Variants in MANBA observed in about 807,000 individuals in gnomAD.
MANBA encodes the protein mannosidase beta, also known as beta-mannosidase.
Under a neutral mutation model 111.1 loss-of-function variants are expected in MANBA, and 83 were observed. The ratio of observed to expected loss-of-function variants is 0.75; its 90% CI spans 0.63 to 0.90. MANBA has a LOEUF of 0.90. Ranked by LOEUF, MANBA falls within the 40% of genes least tolerant of loss-of-function variation. MANBA has a pLI of 0.00. For synonymous variants in MANBA, 370 were observed against 378.7 expected (o/e 0.98, Z 0.27); for missense variants, 1,036 against 1,069.0 (o/e 0.97, Z 0.43).
At chr4:102,730,182 G>A (rs1722979868) in intron 1 of MANBA, 2 of 848,220 alleles carry the variant, frequency 2.4e-6, no homozygotes, top group South Asian at 1.9e-5. Flanking sequence ...GGTGGAGGCA[G>A]GAGTGGGGGC....
At position 102,698,089 on chromosome 4, in the gene MANBA, T is replaced by G. The variant is rs563605936; in HGVS notation, c.674-7318A>C. On this transcript the variant is annotated intron_variant, in intron 5 of 16. Coordinates refer to ENST00000647097, the MANE Select transcript of MANBA (RefSeq NM_005908.4). ...ATGGTATCTCATTGTGGTTTTGATT[T>G]GCATTTCTCTGATGGCCAGTGATGA... Among the ~76,000 whole-genome samples the G allele has an allele frequency of 1.9e-3, 287 of 152,106 alleles. 1 individual carries two copies. Among genetic ancestry groups the G allele is most frequent in the Non-Finnish European group, 3.1e-3 (214 of 68,010 alleles).
At chr4:102,698,245 T>C (rs1167501411) in intron 5 of MANBA, among the ~76,000 whole-genome samples, 1 of 152,140 alleles carries the variant, frequency 6.6e-6, no homozygotes, top group African/African-American at 2.4e-5. Flanking sequence ...CATTGTAGAT[T>C]CTGGATATTA....
intron 13 of MANBA, among the ~76,000 whole-genome samples, chr4:102,643,183 C>T (rs115483961): frequency 0.014 from 2,059 of 152,230 alleles, 63 homozygotes; most frequent in African/African-American, 0.047. Flanking sequence ...TTGCCTATTC[C>T]GGACATTTCA....
At chr4:102,677,584 A>G (rs368772501) in intron 7 of MANBA, among the ~76,000 whole-genome samples, 74 of 152,314 alleles carry the variant, frequency 4.9e-4, no homozygotes, top group East Asian at 2.9e-3. Context: ...TTAAGAAACT[A>G]TCATTTGTTA....
chr4:102,640,845 C>G (rs1010654466), intron 13 of MANBA, among the ~76,000 whole-genome samples: 5 of 152,154 alleles, frequency 3.3e-5, no homozygotes, highest in African/African-American at 4.8e-5. Context: ...GAGGTTATGA[C>G]TTACATGAGT....
In MANBA at chr4:102,650,534, T is replaced by C. The variant is rs538787092; in HGVS notation, c.1869+3A>G. Reference sequence around the variant, plus strand: ...GTTCAATTCTAGAATGAAAACAACTTACCTGAGTAAGGTAGATGGTATCTT... The same window carrying C: ...GTTCAATTCTAGAATGAAAACAACTCACCTGAGTAAGGTAGATGGTATCTT... On this transcript the variant is annotated splice_donor_region_variant and intron_variant, in intron 13 of 16. Coordinates refer to ENST00000647097, the MANE Select transcript of MANBA (RefSeq NM_005908.4). The C allele has an allele frequency of 6.2e-7, 1 of 1,610,192 alleles. No homozygotes were observed. Among genetic ancestry groups the C allele is most frequent in the Non-Finnish European group, 8.5e-7 (1 of 1,176,468 alleles).
intron 5 of MANBA, among the ~76,000 whole-genome samples, chr4:102,709,204 C>T (rs571621422): frequency 3.1e-5 from 4 of 127,384 alleles, no homozygotes; most frequent in Non-Finnish European, 4.8e-5. Context: ...AAGGAAAAGG[C>T]AAGGCAAGGC....
At chr4:102,725,077 A>T (rs1722741812) in intron 2 of MANBA, among the ~76,000 whole-genome samples, 2 of 152,118 alleles carry the variant, frequency 1.3e-5, no homozygotes, top group Admixed American at 1.3e-4. Context: ...CTGGGGTAAG[A>T]ATTCAGGGGC....
intron 13 of MANBA, among the ~76,000 whole-genome samples, chr4:102,645,695 A>C (rs1312782256): frequency 6.6e-6 from 1 of 151,936 alleles, no homozygotes; most frequent in African/African-American, 2.4e-5. Flanking sequence ...TTATCACCTT[A>C]TTTATTTTGG....
intron 10 of MANBA, chr4:102,665,844 T>C (rs1323666366): frequency 1.3e-5 from 2 of 152,260 alleles, no homozygotes; most frequent in Non-Finnish European, 2.9e-5. Context: ...ATGATTACAC[T>C]GATTGCCCCC....
At chr4:102,745,695 T>C (rs1723561257) in intron 1 of MANBA, among the ~76,000 whole-genome samples, 1 of 152,212 alleles carries the variant, frequency 6.6e-6, no homozygotes, top group Non-Finnish European at 1.5e-5. Context: ...TTTAACTCCC[T>C]GAGCTGCAAC....
At chr4:102,682,051 G>A (rs1024772911) in intron 7 of MANBA, among the ~76,000 whole-genome samples, 1 of 151,242 alleles carries the variant, frequency 6.6e-6, no homozygotes, top group Non-Finnish European at 1.5e-5. Context: ...GGAGGCTGAG[G>A]CAGAATAATC....
chr4:102,734,898 G>T (rs893304832), intron 1 of MANBA, among the ~76,000 whole-genome samples: 2 of 152,208 alleles, frequency 1.3e-5, no homozygotes, highest in African/African-American at 4.8e-5. Flanking sequence ...TCAGCTCACA[G>T]AGTCACATTT....
rs142463941 is a variant in MANBA, at chr4:102,732,962, G to A, written c.178-6279C>T. On this transcript the variant is annotated intron_variant, in intron 1 of 16. Transcript: ENST00000647097. ...GGGGCTGGCTGATGATCTGGTTGACGGGGCACAAGTCCCCTTCCTTTCTCC... is the reference window on the plus strand; with the variant it reads ...GGGGCTGGCTGATGATCTGGTTGACAGGGCACAAGTCCCCTTCCTTTCTCC... Among the ~76,000 whole-genome samples, 6 of 152,272 alleles carry A rather than the reference G, an allele frequency of 3.9e-5. No homozygotes were observed. The East Asian group carries it at 9.6e-4, about 24-fold the overall frequency.
chr4:102,724,427 C>T (rs1281161829), intron 2 of MANBA, among the ~76,000 whole-genome samples: 1 of 151,682 alleles, frequency 6.6e-6, no homozygotes, highest in Non-Finnish European at 1.5e-5. Context: ...GGCGTGGTGG[C>T]GGGTGCCTGT....
intron 15 of MANBA, among the ~76,000 whole-genome samples, chr4:102,635,650 A>C (rs1420377275): frequency 6.6e-6 from 1 of 152,182 alleles, no homozygotes; most frequent in Non-Finnish European, 1.5e-5. Flanking sequence ...GTAAGAAGAG[A>C]GACTGGTATC....
chr4:102,657,000 TGTG>T (rs1310562366), intron 12 of MANBA, among the ~76,000 whole-genome samples: 1 of 152,090 alleles, frequency 6.6e-6, no homozygotes, highest in Non-Finnish European at 1.5e-5. Context: ...AAAATTAAAT[TGTG>T]GTGCTGGCTG....
chr4:102,639,021 C>T (rs964844468), intron 14 of MANBA, among the ~76,000 whole-genome samples: 1 of 152,146 alleles, frequency 6.6e-6, no homozygotes, highest in South Asian at 2.1e-4. Context: ...TGTTTCAAGT[C>T]ATCTCTAGTG....
chr4:102,721,475 T>C (rs1316297400), intron 4 of MANBA, among the ~76,000 whole-genome samples: 5 of 152,204 alleles, frequency 3.3e-5, no homozygotes, highest in Non-Finnish European at 5.9e-5. Flanking sequence ...TACACCCATG[T>C]TCATAGCAGC....
Sources: allele counts gnomAD v4.1 joint callset (sites outside exome capture counted in the v4.1 genomes callset), GRCh38; gene constraint gnomAD v4.1.1; transcripts MANE v1.5; gene names NCBI Gene and HGNC (gene_info 2026-07-23, HGNC 2026-07-21).